Variants in HS6ST3 observed in about 807,000 individuals in gnomAD.
The protein encoded by HS6ST3 is heparan sulfate 6-O-sulfotransferase 3.
Under a neutral mutation model 36.7 loss-of-function variants are expected in HS6ST3, and 12 were observed. That is an observed-to-expected ratio of 0.33 (90% CI 0.21 to 0.53). The LOEUF is 0.53. Ranked by LOEUF, HS6ST3 falls within the 20% of genes least tolerant of loss-of-function variation. The probability of loss-of-function intolerance (pLI) is 0.95; values close to 1 mark genes in which losing one functional copy is unlikely to be tolerated. For synonymous variants in HS6ST3, 240 were observed against 257.5 expected (o/e 0.93, Z 0.65); for missense variants, 584 against 640.9 (o/e 0.91, Z 0.96).
At chr13:96,245,235 A>G (rs530812791) in intron 1 of HS6ST3, among the ~76,000 whole-genome samples, 41 of 152,164 alleles carry the variant, frequency 2.7e-4, no homozygotes, top group Admixed American at 5.9e-4. Context: ...GAAACTTACA[A>G]TGTACACAAA....
chr13:96,512,216 G>T (rs1443619636), intron 1 of HS6ST3, among the ~76,000 whole-genome samples: 3 of 152,130 alleles, frequency 2.0e-5, no homozygotes, highest in African/African-American at 7.2e-5. Flanking sequence ...ATGTCTGCAA[G>T]AACATTCTCT....
At chr13:96,452,869 G>C (rs1188185690) in intron 1 of HS6ST3, among the ~76,000 whole-genome samples, 1 of 152,068 alleles carries the variant, frequency 6.6e-6, no homozygotes, top group African/African-American at 2.4e-5. Context: ...TACTACCTGG[G>C]AGGAATTGCA....
chr13:96,498,098 G>T (rs956858947), intron 1 of HS6ST3, among the ~76,000 whole-genome samples: 1 of 152,176 alleles, frequency 6.6e-6, no homozygotes, highest in African/African-American at 2.4e-5. Context: ...CAGTGGGCTT[G>T]AAGAACACAC....
At chr13:96,336,956 G>C (rs1375245631) in intron 1 of HS6ST3, among the ~76,000 whole-genome samples, 1 of 152,152 alleles carries the variant, frequency 6.6e-6, no homozygotes, top group African/African-American at 2.4e-5. Flanking sequence ...CACTTACCAT[G>C]TGATTAGTTT....
intron 1 of HS6ST3, among the ~76,000 whole-genome samples, chr13:96,529,429 A>G (rs2056127219): frequency 6.6e-6 from 1 of 152,186 alleles, no homozygotes; most frequent in South Asian, 2.1e-4. Flanking sequence ...AATATTTACA[A>G]GGTAGAACCT....
chr13:96,204,709 T>G (rs1211755293), intron 1 of HS6ST3, among the ~76,000 whole-genome samples: 1 of 152,110 alleles, frequency 6.6e-6, no homozygotes, highest in Non-Finnish European at 1.5e-5. Context: ...ACCACACAAC[T>G]ACATGGAAAT....
In HS6ST3 at chr13:96,743,314, G is replaced by T. The variant is rs183636839; in HGVS notation, c.708-89176G>T. ...AAATTGAGTTTGAAAAACATTGAGGGGTCCAAATTTGTGCTAAAAGAATGT... is the reference window on the plus strand; with the variant it reads ...AAATTGAGTTTGAAAAACATTGAGGTGTCCAAATTTGTGCTAAAAGAATGT... On this transcript the variant is annotated intron_variant, in intron 1 of 1. Coordinates refer to ENST00000376705, the MANE Select transcript of HS6ST3 (RefSeq NM_153456.4). Among the ~76,000 whole-genome samples the T allele has an allele frequency of 1.1e-4, 17 of 152,142 alleles. No individual in the cohort carries two copies. In the East Asian group the frequency reaches 3.3e-3, roughly 29 times the overall value.
intron 1 of HS6ST3, among the ~76,000 whole-genome samples, chr13:96,358,485 GGA>G (rs1322748864): frequency 1.2e-4 from 18 of 151,914 alleles, no homozygotes; most frequent in Admixed American, 1.2e-3. Flanking sequence ...ATGCAGAAAG[GGA>G]GACATTGTGA....
chr13:96,709,035 C>T lies in HS6ST3; in HGVS notation c.708-123455C>T, dbSNP rs9516741. 6.5e-3 allele frequency among the ~76,000 whole-genome samples: 988 copies of T among 152,264 alleles called. 6 individuals are homozygous for T. The highest frequency in any genetic ancestry group is 9.6e-3 in the Non-Finnish European group (652 of 68,026). On this transcript the variant is annotated intron_variant, in intron 1 of 1. Transcript: ENST00000376705. The stretch of plus-strand genomic sequence containing the variant: ...CTCAAATTATAATCCCCATAATCCC[C>T]ATGTGTTGAGGGAGAAACCTGGTAG...
intron 1 of HS6ST3, among the ~76,000 whole-genome samples, chr13:96,316,663 A>G (rs889764387): frequency 1.3e-5 from 2 of 152,234 alleles, no homozygotes; most frequent in African/African-American, 4.8e-5. Context: ...TATTTCAATT[A>G]TAATAATTTT....
chr13:96,518,910 T>C (rs1169522391), intron 1 of HS6ST3, among the ~76,000 whole-genome samples: 1 of 152,228 alleles, frequency 6.6e-6, no homozygotes, highest in African/African-American at 2.4e-5. Flanking sequence ...ATTTTACTTA[T>C]TTCTAAAAAC....
chr13:96,606,488 T>G (rs2056439095), intron 1 of HS6ST3, among the ~76,000 whole-genome samples: 1 of 151,894 alleles, frequency 6.6e-6, no homozygotes, highest in Non-Finnish European at 1.5e-5. Flanking sequence ...AACCAAATAG[T>G]ATATGTTCTC....
intron 1 of HS6ST3, among the ~76,000 whole-genome samples, chr13:96,366,756 G>T (rs2055265052): frequency 6.6e-6 from 1 of 152,166 alleles, no homozygotes; most frequent in African/African-American, 2.4e-5. Context: ...GTTTGGCTGT[G>T]TCCCCACCCA....
chr13:96,091,139 G>C lies in HS6ST3; in HGVS notation c.277G>C (p.Glu93Gln), dbSNP rs1027268963. The C allele has an allele frequency of 6.7e-7, 1 of 1,501,632 alleles. No individual in the cohort carries two copies. The highest frequency in any genetic ancestry group is 1.4e-5 in the African/African-American group (1 of 70,992). 93.0% of individuals were successfully genotyped at this position (1,501,632 alleles called of 1,614,324 possible). A position where few individuals can be genotyped will look rare whatever the true frequency, so the allele number is the denominator to read the frequency against. ...RGAAAPEEEDEEPGDPREGEE... is the reference protein window; with the variant it reads ...RGAAAPEEEDQEPGDPREGEE... ...GGCCGCGGCGCCGGAGGAGGAGGAC[G>C]AGGAGCCCGGAGACCCCCGGGAGGG... The change falls in exon 1 of 2, where the codon GAG becomes CAG. Residue 93 changes from glutamate (E) to glutamine (Q), a missense_variant. Physicochemically the swap from Glu to Gln is conservative, Grantham distance 29 (BLOSUM62 2). Transcript: ENST00000376705.
chr13:96,593,118 A>T (rs940156743), intron 1 of HS6ST3, among the ~76,000 whole-genome samples: 3 of 135,244 alleles, frequency 2.2e-5, no homozygotes, highest in African/African-American at 8.3e-5. Flanking sequence ...AGTATGCTTC[A>T]TTGTTTTTAT....
chr13:96,186,886 C>A (rs1594708786), intron 1 of HS6ST3, among the ~76,000 whole-genome samples: 1 of 152,128 alleles, frequency 6.6e-6, no homozygotes, highest in South Asian at 2.1e-4. Context: ...TCAGGTGCCA[C>A]CAGTGATGAT....
intron 1 of HS6ST3, among the ~76,000 whole-genome samples, chr13:96,318,952 TA>T (rs200130324): frequency 2.4e-4 from 36 of 152,114 alleles, no homozygotes; most frequent in South Asian, 1.0e-3. Flanking sequence ...GTCCTTAGCT[TA>T]AAAAAAATAG....
chr13:96,568,594 A>G (rs1290967358), intron 1 of HS6ST3, among the ~76,000 whole-genome samples: 3 of 152,186 alleles, frequency 2.0e-5, no homozygotes, highest in African/African-American at 7.2e-5. Flanking sequence ...TCTATATATT[A>G]TTATTTCAAT....
chr13:96,622,809 C>T (rs2056499462), intron 1 of HS6ST3, among the ~76,000 whole-genome samples: 1 of 151,714 alleles, frequency 6.6e-6, no homozygotes. Context: ...AAATATCAAC[C>T]TTTTAGTTCT....
Sources: gnomAD v4.1 joint callset for allele counts (sites outside exome capture counted in the v4.1 genomes callset) on GRCh38, gnomAD v4.1.1 for gene constraint, MANE v1.5 for transcripts, NCBI Gene and HGNC (gene_info 2026-07-23, HGNC 2026-07-21) for gene names.